The following EHMT1 variants were observed in gnomAD, a reference collection of about 807,000 sequenced individuals.
EHMT1 encodes euchromatic histone lysine methyltransferase 1.
A neutral mutation model predicts 147.2 loss-of-function variants in EHMT1; 15 were observed. The ratio of observed to expected loss-of-function variants is 0.10; its 90% CI spans 0.07 to 0.16. The LOEUF (loss-of-function observed/expected upper bound fraction) is 0.16, where lower values mean the gene tolerates loss of function less well. Ranked by LOEUF, EHMT1 falls within the 10% of genes least tolerant of loss-of-function variation. The pLI is 1.00. For missense variants in EHMT1, 1,587 were observed against 1,772.4 expected (o/e 0.90, Z 1.88); for synonymous variants, 795 against 709.6 (o/e 1.12, Z -1.91).
At chr9:137,820,966 C>T (rs1564824560) in intron 25 of EHMT1, among the ~76,000 whole-genome samples, 1 of 152,282 alleles carries the variant, frequency 6.6e-6, no homozygotes, top group Non-Finnish European at 1.5e-5. Context: ...CAAGCTCCGC[C>T]TCCCAGGTTC....
intron 1 of EHMT1, among the ~76,000 whole-genome samples, chr9:137,706,803 A>G (rs1383748414): frequency 6.6e-6 from 1 of 150,826 alleles, no homozygotes. Context: ...TTTTATTGAG[A>G]CATTATTTAT....
At chr9:137,646,068 C>T in intron 1 of EHMT1, among the ~76,000 whole-genome samples, 1 of 152,072 alleles carries the variant, frequency 6.6e-6, no homozygotes, top group South Asian at 2.1e-4. Context: ...AAGCAGTTCT[C>T]CTGCCTCAGC....
chr9:137,834,993 G>A lies in EHMT1; in HGVS notation c.*40G>A, dbSNP rs1393186699. The A allele has an allele frequency of 8.0e-6, 11 of 1,369,188 alleles. No individual in the cohort carries two copies. Among genetic ancestry groups the A allele is most frequent in the East Asian group, 3.0e-5 (1 of 32,996 alleles). 84.8% of individuals were successfully genotyped at this position (1,369,188 alleles called of 1,614,324 possible). ...GCGGGGCGCTCGGGAGCCAGGGACCGCCGCGTCGCCGATTAGAGGACGAGG... is the reference window on the plus strand; with the variant it reads ...GCGGGGCGCTCGGGAGCCAGGGACCACCGCGTCGCCGATTAGAGGACGAGG... On this transcript the variant is annotated 3_prime_UTR_variant, in exon 27 of 27. Coordinates refer to ENST00000460843, the MANE Select transcript of EHMT1 (RefSeq NM_024757.5).
chr9:137,632,023 C>T (rs981211601), intron 1 of EHMT1, among the ~76,000 whole-genome samples: 4 of 152,294 alleles, frequency 2.6e-5, no homozygotes, highest in South Asian at 2.1e-4. Context: ...CCTGCAGTAA[C>T]GCGCTGTGCA....
chr9:137,815,984 C>G lies in EHMT1; in HGVS notation c.3296C>G (p.Pro1099Arg). Residue 1099 changes from proline (P) to arginine (R), a missense_variant, in exon 23 of 27, where the codon CCT becomes CGT. Coordinates refer to ENST00000460843, the MANE Select transcript of EHMT1 (RefSeq NM_024757.5). Reference protein sequence around the residue: ...RLLPEFNMAEPPLIFECNHAC... With the variant: ...RLLPEFNMAERPLIFECNHAC... Reference sequence around the variant, plus strand: ...CTGCCAGAGTTCAACATGGCGGAGCCTCCCTTGATCTTCGAATGCAACCAC... The same window carrying G: ...CTGCCAGAGTTCAACATGGCGGAGCGTCCCTTGATCTTCGAATGCAACCAC... 6.2e-7 allele frequency: 1 copy of G among 1,611,982 alleles called. No homozygotes were observed. The highest frequency in any genetic ancestry group is 8.5e-7 in the Non-Finnish European group (1 of 1,179,060).
At chr9:137,741,369 G>C (rs1406675804) in intron 4 of EHMT1, among the ~76,000 whole-genome samples, 1 of 149,744 alleles carries the variant, frequency 6.7e-6, no homozygotes, top group Non-Finnish European at 1.5e-5. Flanking sequence ...GTTTCCAGGG[G>C]ACAGGTAGCA....
At chr9:137,808,344 C>T (rs1379478945) in intron 18 of EHMT1, among the ~76,000 whole-genome samples, 1 of 152,204 alleles carries the variant, frequency 6.6e-6, no homozygotes, top group Non-Finnish European at 1.5e-5. Flanking sequence ...ATGGTTGGAG[C>T]TCTGGTGGCA....
chr9:137,663,837 G>C (rs1266917703), intron 1 of EHMT1, among the ~76,000 whole-genome samples: 1 of 152,186 alleles, frequency 6.6e-6, no homozygotes, highest in African/African-American at 2.4e-5. Flanking sequence ...AAGGTGGAAT[G>C]CATGTCCTTG....
chr9:137,742,089 G>C (rs1038626354), intron 4 of EHMT1, among the ~76,000 whole-genome samples: 2 of 152,174 alleles, frequency 1.3e-5, no homozygotes, highest in Non-Finnish European at 2.9e-5. Context: ...CTCCGAGCCT[G>C]ACCCCCATGA....
chr9:137,636,896 CTTTTTTTTT>C (rs35700929), intron 1 of EHMT1, among the ~76,000 whole-genome samples: 1 of 120,982 alleles, frequency 8.3e-6, no homozygotes, highest in Admixed American at 9.4e-5. Context: ...CAGTTTCACT[CTTTTTTTTT>C]TTTTTTTTTT....
At chr9:137,757,384 G>T (rs1371169507) in intron 8 of EHMT1, among the ~76,000 whole-genome samples, 1 of 152,222 alleles carries the variant, frequency 6.6e-6, no homozygotes, top group Non-Finnish European at 1.5e-5. Context: ...CAGCCAGGAC[G>T]CCCGGGAGGT....
chr9:137,802,197 C>T (rs192760459), intron 18 of EHMT1, among the ~76,000 whole-genome samples: 12 of 152,264 alleles, frequency 7.9e-5, no homozygotes, highest in Middle Eastern at 3.4e-3. Context: ...GCACTGGGCA[C>T]GACAGCAAGG....
chr9:137,738,023 A>G (rs7022615), intron 4 of EHMT1, among the ~76,000 whole-genome samples: 21,070 of 152,060 alleles, frequency 0.14, 3,395 homozygotes, highest in African/African-American at 0.4. Flanking sequence ...GTGAAACCCC[A>G]TCTCTACTAC....
chr9:137,678,758 C>T (rs183115313), intron 1 of EHMT1, among the ~76,000 whole-genome samples: 2 of 136,472 alleles, frequency 1.5e-5, no homozygotes, highest in East Asian at 4.9e-4. Context: ...ACTCAGTCGG[C>T]GTCTTGTGAT....
rs780324829 is a variant in EHMT1, at chr9:137,716,836, GAGACTC to G, written c.300_305del (p.Asp100_Ser101del). On this transcript the variant is annotated inframe_deletion, in exon 3 of 27. Transcript: ENST00000460843. ...ATAGCGGAAAATGGGGTTTCAGAAA[GAGACTC>G]AGAAGCGGCGAAGCAAAACCACGTC... 4 of 1,613,350 alleles carry G rather than the reference GAGACTC, an allele frequency of 2.5e-6. No homozygotes were observed. The highest frequency in any genetic ancestry group is 2.2e-5 in the South Asian group (2 of 91,086).
chr9:137,759,076 G>A (rs535779391), intron 9 of EHMT1, among the ~76,000 whole-genome samples: 4 of 152,022 alleles, frequency 2.6e-5, no homozygotes, highest in Admixed American at 6.5e-5. Context: ...GCAATGAGCC[G>A]AGATGGCACC....
intron 1 of EHMT1, among the ~76,000 whole-genome samples, chr9:137,690,196 G>A (rs750603496): frequency 1.3e-5 from 2 of 152,186 alleles, no homozygotes; most frequent in Non-Finnish European, 2.9e-5. Context: ...TGAAGGCGGA[G>A]ACTAGATTTG....
At chr9:137,644,860 A>G (rs907065432) in intron 1 of EHMT1, among the ~76,000 whole-genome samples, 27 of 151,606 alleles carry the variant, frequency 1.8e-4, no homozygotes, top group African/African-American at 6.3e-4. Context: ...TTAGGGCTCT[A>G]TTTATTTATT....
intron 25 of EHMT1, 49 bp from the exon 26 acceptor site, chr9:137,834,300 G>T: frequency 1.2e-6 from 2 of 1,608,216 alleles, no homozygotes; most frequent in Non-Finnish European, 8.5e-7. Context: ...CGAGGCCGGC[G>T]TGTCGGGGCC....
Sources: gnomAD v4.1 joint callset for allele counts (sites outside exome capture counted in the v4.1 genomes callset) on GRCh38, gnomAD v4.1.1 for gene constraint, MANE v1.5 for transcripts, NCBI Gene and HGNC (gene_info 2026-07-23, HGNC 2026-07-21) for gene names.